Variants in SLCO5A1 observed in about 807,000 individuals in gnomAD.
SLCO5A1 encodes solute carrier organic anion transporter family member 5A1.
A neutral mutation model predicts 65.1 loss-of-function variants in SLCO5A1; 39 were observed. The ratio of observed to expected loss-of-function variants is 0.60; its 90% CI spans 0.46 to 0.78. SLCO5A1 has a LOEUF of 0.78. Ranked by LOEUF, SLCO5A1 falls within the 30% of genes least tolerant of loss-of-function variation. The pLI is 0.00. For synonymous variants in SLCO5A1, 438 were observed against 415.7 expected, an observed-to-expected ratio of 1.05 and a Z score of -0.65; for missense variants, 1,029 against 1,069.4, an observed-to-expected ratio of 0.96 and a Z score of 0.53.
intron 6 of SLCO5A1, among the ~76,000 whole-genome samples, chr8:69,701,095 A>C (rs958747797): frequency 6.6e-6 from 1 of 152,138 alleles, no homozygotes; most frequent in African/African-American, 2.4e-5. Flanking sequence ...GATGACTCCA[A>C]GGAGTGGGGA....
At chr8:69,702,335 T>C (rs886255063) in intron 6 of SLCO5A1, among the ~76,000 whole-genome samples, 1 of 152,316 alleles carries the variant, frequency 6.6e-6, no homozygotes, top group African/African-American at 2.4e-5. Flanking sequence ...GAAGTAGATA[T>C]TGAGGTTTGG....
chr8:69,794,642 T>C (rs1417372530), intron 2 of SLCO5A1: 1 of 325,134 alleles, frequency 3.1e-6, no homozygotes, highest in Non-Finnish European at 6.2e-6. Flanking sequence ...TTCAGGGCTG[T>C]TTTTAGGACT....
At chr8:69,806,726 G>A (rs1820006699) in intron 2 of SLCO5A1, among the ~76,000 whole-genome samples, 1 of 152,156 alleles carries the variant, frequency 6.6e-6, no homozygotes, top group Non-Finnish European at 1.5e-5. Context: ...CAAACTCACT[G>A]AAGAGCTGGT....
At chr8:69,750,606 G>T (rs1318422748) in intron 4 of SLCO5A1, among the ~76,000 whole-genome samples, 1 of 151,998 alleles carries the variant, frequency 6.6e-6, no homozygotes, top group Non-Finnish European at 1.5e-5. Flanking sequence ...CAGTTTTCTG[G>T]CCTTTGCTCT....
intron 6 of SLCO5A1, among the ~76,000 whole-genome samples, chr8:69,703,012 G>A (rs1272861498): frequency 6.6e-6 from 1 of 151,530 alleles, no homozygotes; most frequent in Non-Finnish European, 1.5e-5. Flanking sequence ...TTGGGAGGCT[G>A]AGGATACAGG....
chr8:69,821,178 T>A (rs1820619742), intron 2 of SLCO5A1, among the ~76,000 whole-genome samples: 1 of 148,256 alleles, frequency 6.7e-6, no homozygotes. Context: ...ACTCTACTTT[T>A]AGAAGACTGA....
At chr8:69,762,118 TTTTCTTTCTTTCTTTCTTTC>T (rs552749800) in intron 2 of SLCO5A1, among the ~76,000 whole-genome samples, 4,814 of 104,664 alleles carry the variant, frequency 0.046, 218 homozygotes, top group African/African-American at 0.061. Context: ...TTTTGTTTTG[TTTTCTTTCTTTCTTTCTTTC>T]TTTCTTTCTT....
In SLCO5A1 at chr8:69,753,608, T is replaced by C. The variant is rs1817419111; in HGVS notation, c.1258+1816A>G. 2.6e-5 allele frequency among the ~76,000 whole-genome samples: 4 copies of C among 152,222 alleles called. No individual in the cohort carries two copies. In the South Asian group the frequency reaches 8.3e-4, roughly 31 times the overall value. On this transcript the variant is annotated intron_variant, in intron 4 of 9. Transcript: ENST00000260126. Reference sequence around the variant, plus strand: ...CTTTTTTCTACTGTCCAATAGATCATATATTTCATATTCAAGTCACCTAAC... The same window carrying C: ...CTTTTTTCTACTGTCCAATAGATCACATATTTCATATTCAAGTCACCTAAC...
intron 2 of SLCO5A1, among the ~76,000 whole-genome samples, chr8:69,784,103 TAA>T (rs1245974444): frequency 2.6e-5 from 4 of 152,136 alleles, no homozygotes; most frequent in Non-Finnish European, 5.9e-5. Context: ...ACACCTAGAT[TAA>T]AGTCTATTTT....
intron 3 of SLCO5A1, among the ~76,000 whole-genome samples, chr8:69,760,940 G>A (rs1817745096): frequency 6.6e-6 from 1 of 152,214 alleles, no homozygotes; most frequent in Non-Finnish European, 1.5e-5. Context: ...GGGTCACTGA[G>A]AGTGTGACAA....
At chr8:69,722,540 C>G (rs1032695488) in intron 5 of SLCO5A1, among the ~76,000 whole-genome samples, 9 of 151,986 alleles carry the variant, frequency 5.9e-5, no homozygotes, top group Non-Finnish European at 1.0e-4. Flanking sequence ...AATGACACAC[C>G]TTGTCCAAGA....
At chr8:69,736,513 G>A (rs984111088) in intron 5 of SLCO5A1, among the ~76,000 whole-genome samples, 3 of 152,194 alleles carry the variant, frequency 2.0e-5, no homozygotes, top group African/African-American at 7.2e-5. Flanking sequence ...TAGTCTGGCT[G>A]GAACTGGGGC....
chr8:69,761,455 C>T (rs775591141), intron 3 of SLCO5A1: 5 of 311,250 alleles, frequency 1.6e-5, no homozygotes, highest in Middle Eastern at 8.7e-4. Context: ...CTCCTGCTTC[C>T]GTCTTTCCTT....
chr8:69,699,922 C>A lies in SLCO5A1; in HGVS notation c.1622+5109G>T, dbSNP rs368912303. On this transcript the variant is annotated intron_variant, in intron 6 of 9. Coordinates refer to ENST00000260126, the MANE Select transcript of SLCO5A1 (RefSeq NM_030958.3). ...CTGCTTGAGCTCAGAAGCTCAAGAC[C>A]AGCCTGGGCAACATAGAGTGACCGC... 2.0e-5 allele frequency among the ~76,000 whole-genome samples: 3 copies of A among 152,250 alleles called. No homozygotes were observed. The East Asian group carries it at 5.8e-4, about 29-fold the overall frequency.
At chr8:69,784,484 T>C (rs1818925441) in intron 2 of SLCO5A1, among the ~76,000 whole-genome samples, 1 of 152,046 alleles carries the variant, frequency 6.6e-6, no homozygotes, top group African/African-American at 2.4e-5. Flanking sequence ...GTTTGGTAGT[T>C]TCTTAGAAAG....
Position 69,673,054 on chromosome 8 carries a change from C to T in SLCO5A1, c.2362G>A (p.Asp788Asn), listed in dbSNP as rs548263300. 2 of 1,614,194 alleles carry T rather than the reference C, an allele frequency of 1.2e-6. No homozygotes were observed. Among genetic ancestry groups the T allele is most frequent in the East Asian group, 2.2e-5 (1 of 44,874 alleles). The change falls in exon 10 of 10, where the codon GAC becomes AAC. Residue 788 changes from aspartate (D) to asparagine (N), a missense_variant. Physicochemically the swap from Asp to Asn is conservative, Grantham distance 23. This residue lies in a region of SLCO5A1 where 258 missense variants were observed against 237.4 expected (regional missense o/e 1.09). Transcript: ENST00000260126. ...GGGCAAGATCTAGTCCGGGCATTGT[C>T]GGGGTGTCCCACTCTCTCACTCACG... ...STVSERVGHP[D>N]NARTRSCPAF...
At chr8:69,825,292 G>A (rs1820825952) in intron 2 of SLCO5A1, among the ~76,000 whole-genome samples, 1 of 152,186 alleles carries the variant, frequency 6.6e-6, no homozygotes, top group South Asian at 2.1e-4. Flanking sequence ...AATCAGGCAG[G>A]AGAAGGAAAT....
chr8:69,747,106 T>G (rs1817068110), intron 4 of SLCO5A1, among the ~76,000 whole-genome samples: 1 of 152,204 alleles, frequency 6.6e-6, no homozygotes, highest in African/African-American at 2.4e-5. Context: ...GACTCTGGCC[T>G]TGCTCCGATT....
intron 2 of SLCO5A1, among the ~76,000 whole-genome samples, chr8:69,787,562 T>A (rs577878450): frequency 1.3e-5 from 2 of 152,232 alleles, no homozygotes; most frequent in Non-Finnish European, 2.9e-5. Context: ...ATGTATGTTA[T>A]GTAACATCCC....
Sources: gnomAD v4.1 joint callset for allele counts (sites outside exome capture counted in the v4.1 genomes callset) on GRCh38, gnomAD v4.1.1 for gene constraint, gnomAD v4.1.1 regional missense constraint, MANE v1.5 for transcripts, NCBI Gene and HGNC (gene_info 2026-07-23, HGNC 2026-07-21) for gene names.